Variants in SGIP1 observed in about 807,000 individuals in gnomAD.
SGIP1 encodes the protein SH3-containing GRB2-like protein 3-interacting protein 1.
SGIP1 carries 38 observed loss-of-function variants against 107.5 expected under a neutral mutation model. The ratio of observed to expected loss-of-function variants is 0.35; its 90% confidence interval spans 0.27 to 0.46. SGIP1 has a LOEUF of 0.46. SGIP1 is among the 20% of genes least tolerant of loss of function. SGIP1 has a pLI of 1.00. For missense variants in SGIP1, 929 were observed against 1,019.5 expected (o/e 0.91, Z 1.21); for synonymous variants, 365 against 366.1 (o/e 1.00, Z 0.03).
At chr1:66,631,672 TC>T (rs2074732399) in intron 2 of SGIP1, among the ~76,000 whole-genome samples, 1 of 123,402 alleles carries the variant, frequency 8.1e-6, no homozygotes, top group African/African-American at 3.4e-5. Context: ...TCTCTTTCTC[TC>T]TCTCTCTTTC....
intron 17 of SGIP1, chr1:66,694,853 A>G (rs1166633877): frequency 1.2e-5 from 3 of 251,180 alleles, no homozygotes; most frequent in East Asian, 1.6e-4. Context: ...CATCATTAGT[A>G]ATCTTGTTTT....
At chr1:66,582,896 T>C (rs1014797613) in intron 1 of SGIP1, among the ~76,000 whole-genome samples, 46 of 151,736 alleles carry the variant, frequency 3.0e-4, no homozygotes, top group African/African-American at 1.0e-3. Flanking sequence ...CAAGATGCTG[T>C]ATGCTAGGAA....
At chr1:66,569,107 T>C (rs554836932) in intron 1 of SGIP1, among the ~76,000 whole-genome samples, 4 of 152,144 alleles carry the variant, frequency 2.6e-5, no homozygotes, top group African/African-American at 9.6e-5. Context: ...AGCTTATACC[T>C]GGAAGGATAC....
chr1:66,569,854 G>A (rs2060141817), intron 1 of SGIP1, among the ~76,000 whole-genome samples: 1 of 151,648 alleles, frequency 6.6e-6, no homozygotes, highest in Non-Finnish European at 1.5e-5. Context: ...TCCAGGCCTG[G>A]TGCATTCTGT....
chr1:66,726,290 A>C (rs1476725844), intron 19 of SGIP1, among the ~76,000 whole-genome samples: 3 of 152,202 alleles, frequency 2.0e-5, no homozygotes, highest in Non-Finnish European at 4.4e-5. Context: ...AGAAAAATAC[A>C]ATAAAGATCC....
chr1:66,608,669 T>C (rs748263395), intron 1 of SGIP1, among the ~76,000 whole-genome samples: 6 of 152,200 alleles, frequency 3.9e-5, no homozygotes, highest in Admixed American at 1.3e-4. Context: ...TTAATACTTA[T>C]GTTTAACTTT....
Position 66,685,463 on chromosome 1 carries a change from C to T in SGIP1, c.1315+3094C>T, listed in dbSNP as rs188970676. ...TCTCTTCTCCCATGTGGGTTGTGTG[C>T]CAGAGGCTGGAGGCAAAGAGTTTTG... On this transcript the variant is annotated intron_variant, in intron 15 of 24. Transcript: ENST00000371037. Among the ~76,000 whole-genome samples the T allele has an allele frequency of 3.9e-5, 6 of 152,276 alleles. 1 individual carries two copies. In the East Asian group the frequency reaches 1.2e-3, roughly 29 times the overall value.
intron 1 of SGIP1, among the ~76,000 whole-genome samples, chr1:66,565,248 C>T (rs559203784): frequency 2.0e-5 from 3 of 151,994 alleles, no homozygotes; most frequent in South Asian, 4.1e-4. Flanking sequence ...AATTTATTGC[C>T]CAGGTATAAT....
chr1:66,642,739 C>G, intron 5 of SGIP1, 71 bp from the exon 6 acceptor site: 1 of 1,320,790 alleles, frequency 7.6e-7, no homozygotes, highest in Non-Finnish European at 1.0e-6. Context: ...AAATAGAAGA[C>G]TCTAGAAAAA....
chr1:66,621,713 G>T (rs573529445), intron 1 of SGIP1, among the ~76,000 whole-genome samples: 1 of 152,170 alleles, frequency 6.6e-6, no homozygotes, highest in East Asian at 1.9e-4. Flanking sequence ...GGCTCTTTGC[G>T]TTTGGCTCCC....
At chr1:66,668,039 G>A (rs74825374) in intron 9 of SGIP1, among the ~76,000 whole-genome samples, 409 of 152,222 alleles carry the variant, frequency 2.7e-3, no homozygotes, top group Admixed American at 4.4e-3. Flanking sequence ...TCCATCTTGG[G>A]AGAGGGAGAC....
In SGIP1 at chr1:66,668,887, T is replaced by A. The variant is rs551326585; in HGVS notation, c.483+1346T>A. 3.3e-5 allele frequency among the ~76,000 whole-genome samples: 5 copies of A among 152,336 alleles called. No homozygotes were observed. In the South Asian group the frequency reaches 1.0e-3, roughly 32 times the overall value. ...TTGAAAGGGGGAAAATACAGTCGCT[T>A]GACAAAGGGAGGTTTTTGAATCCAA... is the stretch of plus-strand genomic sequence containing the variant. On this transcript the variant is annotated intron_variant, in intron 9 of 24. Transcript: ENST00000371037.
intron 1 of SGIP1, among the ~76,000 whole-genome samples, chr1:66,544,454 G>A (rs925900533): frequency 1.3e-5 from 2 of 152,174 alleles, no homozygotes; most frequent in Non-Finnish European, 2.9e-5. Flanking sequence ...GGGAGGCCGA[G>A]GTAGGTGGAT....
At chr1:66,596,636 G>T (rs1267273850) in intron 1 of SGIP1, among the ~76,000 whole-genome samples, 2 of 151,126 alleles carry the variant, frequency 1.3e-5, no homozygotes. Context: ...TTGGTGGTGG[G>T]ATTTCACTGG....
At chr1:66,711,300 T>C (rs609707) in intron 18 of SGIP1, among the ~76,000 whole-genome samples, 25,913 of 152,066 alleles carry the variant, frequency 0.17, 2,307 homozygotes, top group East Asian at 0.28. Flanking sequence ...CCTCCCAATG[T>C]CTGTAAAAGG....
intron 1 of SGIP1, among the ~76,000 whole-genome samples, chr1:66,578,376 C>T (rs981905453): frequency 3.3e-5 from 5 of 152,044 alleles, no homozygotes; most frequent in African/African-American, 9.7e-5. Context: ...ATAAGCTGCT[C>T]GGGAAGATCA....
intron 1 of SGIP1, among the ~76,000 whole-genome samples, chr1:66,593,880 A>G (rs371402954): frequency 7.2e-5 from 11 of 152,190 alleles, no homozygotes; most frequent in African/African-American, 2.4e-4. Flanking sequence ...CTGTTTTTCT[A>G]AATAAGATTA....
intron 18 of SGIP1, among the ~76,000 whole-genome samples, chr1:66,699,732 C>G (rs1231101771): frequency 6.6e-6 from 1 of 151,952 alleles, no homozygotes; most frequent in East Asian, 1.9e-4. Context: ...GTGAACAAAA[C>G]AGAAAAAATA....
chr1:66,563,427 A>G (rs1350439231), intron 1 of SGIP1, among the ~76,000 whole-genome samples: 1 of 152,038 alleles, frequency 6.6e-6, no homozygotes, highest in Non-Finnish European at 1.5e-5. Flanking sequence ...CCAAGACAAG[A>G]GAAGAGAGTG....
Sources: gnomAD v4.1 joint callset for allele counts (sites outside exome capture counted in the v4.1 genomes callset) on GRCh38, gnomAD v4.1.1 for gene constraint, MANE v1.5 for transcripts, NCBI Gene and HGNC (gene_info 2026-07-23, HGNC 2026-07-21) for gene names.